The following DIS3L2 variants were observed in gnomAD, a reference collection of about 807,000 sequenced individuals.
DIS3L2 encodes the protein DIS3-like exonuclease 2.
A neutral mutation model predicts 97.5 loss-of-function variants in DIS3L2; 34 were observed. The observed-to-expected ratio is 0.35, with a 90% CI of 0.27 to 0.46. DIS3L2 has a LOEUF of 0.46. DIS3L2 is among the 20% of genes least tolerant of loss of function. The pLI is 1.00. For synonymous variants in DIS3L2, 435 were observed against 445.2 expected (o/e 0.98, Z 0.29); for missense variants, 1,038 against 1,146.0 (o/e 0.91, Z 1.36).
At chr2:232,025,554 T>C (rs1694633345) in intron 4 of DIS3L2, among the ~76,000 whole-genome samples, 1 of 152,192 alleles carries the variant, frequency 6.6e-6, no homozygotes, top group Admixed American at 6.5e-5. Context: ...ATTCTGTTCC[T>C]GTTAGAGAAA....
At position 232,172,559 on chromosome 2, in the gene DIS3L2, A is replaced by AT. The variant is rs369575518; in HGVS notation, c.1124+8929dup. 4.9e-3 allele frequency: 1,992 copies of AT among 403,158 alleles called. 11 individuals are homozygous for AT. The highest frequency in any genetic ancestry group is 8.5e-3 in the Non-Finnish European group (1,620 of 190,778). 25.0% of individuals were successfully genotyped at this position (403,158 alleles called of 1,614,324 possible). ...CATTAGTTGATGGACATTTGGGTTGATTCCCCAGCTTGACTATTATGAATA... is the reference window on the plus strand; with the variant it reads ...CATTAGTTGATGGACATTTGGGTTGATTTCCCCAGCTTGACTATTATGAATA... On this transcript the variant is annotated intron_variant, in intron 9 of 20. Coordinates refer to ENST00000325385, the MANE Select transcript of DIS3L2 (RefSeq NM_152383.5).
At chr2:232,076,690 A>T (rs1696196672) in intron 5 of DIS3L2, among the ~76,000 whole-genome samples, 1 of 152,082 alleles carries the variant, frequency 6.6e-6, no homozygotes, top group African/African-American at 2.4e-5. Context: ...GCCTTTTAAA[A>T]TTTCTTTTAT....
At chr2:232,203,319 A>G (rs1691947107) in intron 9 of DIS3L2, among the ~76,000 whole-genome samples, 1 of 152,142 alleles carries the variant, frequency 6.6e-6, no homozygotes, top group Admixed American at 6.6e-5. Context: ...GCCTCTATAA[A>G]TTTTGCTAAT....
chr2:232,067,512 T>C (rs1347940156), intron 5 of DIS3L2, among the ~76,000 whole-genome samples: 1 of 152,226 alleles, frequency 6.6e-6, no homozygotes. Context: ...CTCTGCAAGA[T>C]ATCAAGCTCT....
At chr2:231,969,147 G>C (rs1040318731) in intron 1 of DIS3L2, among the ~76,000 whole-genome samples, 4 of 151,784 alleles carry the variant, frequency 2.6e-5, no homozygotes, top group African/African-American at 7.3e-5. Flanking sequence ...CCAGTCTTGG[G>C]TATTTCTATC....
At chr2:232,026,906 A>G (rs1559552617) in intron 4 of DIS3L2, among the ~76,000 whole-genome samples, 1 of 152,174 alleles carries the variant, frequency 6.6e-6, no homozygotes, top group Admixed American at 6.6e-5. Context: ...GCTTATTTCT[A>G]TGCCTCTTTT....
In DIS3L2 at chr2:232,184,554, G is replaced by T. The variant is rs563143184; in HGVS notation, c.1124+20922G>T. ...TAGTCCCACTACTAGGGAGGCTGAG[G>T]TGAGATAATCACTTGAGCCCAGGAG... On this transcript the variant is annotated intron_variant, in intron 9 of 20. Coordinates refer to ENST00000325385, the MANE Select transcript of DIS3L2 (RefSeq NM_152383.5). 2.0e-5 allele frequency among the ~76,000 whole-genome samples: 3 copies of T among 152,254 alleles called. No homozygotes were observed. In the East Asian group the frequency reaches 5.8e-4, roughly 29 times the overall value.
intron 8 of DIS3L2, among the ~76,000 whole-genome samples, chr2:232,155,733 G>T (rs1158892168): frequency 6.6e-6 from 1 of 152,184 alleles, no homozygotes; most frequent in East Asian, 1.9e-4. Flanking sequence ...GCTCACGCCT[G>T]TAATCCCAGC....
chr2:232,182,600 T>TTAGA (rs142659767), intron 9 of DIS3L2, among the ~76,000 whole-genome samples: 310 of 152,360 alleles, frequency 2.0e-3, no homozygotes, highest in Non-Finnish European at 3.5e-3. Flanking sequence ...GGCTTTGTTG[T>TTAGA]TAGATGCATG....
At chr2:232,155,890 C>T (rs967948912) in intron 8 of DIS3L2, among the ~76,000 whole-genome samples, 12 of 151,662 alleles carry the variant, frequency 7.9e-5, no homozygotes, top group South Asian at 4.2e-4. Context: ...CTCGGGAGGC[C>T]GAGGCAGGAG....
At chr2:232,207,856 A>C (rs910254623) in intron 9 of DIS3L2, among the ~76,000 whole-genome samples, 1 of 152,180 alleles carries the variant, frequency 6.6e-6, no homozygotes, top group Non-Finnish European at 1.5e-5. Flanking sequence ...ACAATAATAC[A>C]TATCTGATCA....
intron 14 of DIS3L2, 28 bp from the exon 15 acceptor site, chr2:232,329,785 T>TGCCCGGGGGGGGGGGGCC: frequency 1.0e-6 from 1 of 967,144 alleles, no homozygotes; most frequent in Non-Finnish European, 1.5e-6. Context: ...ACCCCAGCGG[T>TGCCCGGGGGGGGGGGGCC]CCCTCCCATC....
rs1125045 is a variant in DIS3L2 at position 232,343,267 on chromosome 2, C to G, written c.1582-78C>G. On this transcript the variant is annotated intron_variant, in intron 13 of 13. Transcript: ENST00000273009. ...GGAGCTGACGCAGGCTGAGTAGGCTCACCTTTCACTGGAATTGCAAAGGCC... is the reference window on the plus strand; with the variant it reads ...GGAGCTGACGCAGGCTGAGTAGGCTGACCTTTCACTGGAATTGCAAAGGCC... 0.076 allele frequency: 96,120 copies of G among 1,259,900 alleles called. 5,839 individuals are homozygous for G. Among genetic ancestry groups the G allele is most frequent in the African/African-American group, 0.3 (20,144 of 66,218 alleles). The allele number at this position is 1,259,900 out of a possible 1,614,324, so 78.0% of individuals were successfully genotyped here. A position where few individuals can be genotyped will look rare whatever the true frequency, so the allele number is the denominator to read the frequency against.
chr2:231,993,054 C>T (rs1438191953), intron 1 of DIS3L2, among the ~76,000 whole-genome samples: 1 of 152,134 alleles, frequency 6.6e-6, no homozygotes, highest in East Asian at 1.9e-4. Flanking sequence ...TTGCTGTCAG[C>T]CCAGATGTTC....
chr2:231,995,433 C>T (rs1010314037), intron 1 of DIS3L2, among the ~76,000 whole-genome samples: 2 of 152,148 alleles, frequency 1.3e-5, no homozygotes, highest in Non-Finnish European at 2.9e-5. Context: ...TCAAAACAGA[C>T]ACCTGTGATT....
intron 11 of DIS3L2, among the ~76,000 whole-genome samples, chr2:232,243,868 T>C (rs386465984): frequency 9.2e-5 from 14 of 152,320 alleles, no homozygotes; most frequent in Middle Eastern, 6.8e-3. Flanking sequence ...CCACTGAACA[T>C]TGAGGGTGCA....
chr2:232,093,573 C>T (rs1243882736), intron 6 of DIS3L2, among the ~76,000 whole-genome samples: 4 of 152,030 alleles, frequency 2.6e-5, no homozygotes, highest in South Asian at 4.1e-4. Context: ...TTATTTGTTA[C>T]TGGTCTGTTC....
chr2:232,338,935 T>C (rs547434750), downstream of DIS3L2, among the ~76,000 whole-genome samples: 3 of 152,372 alleles, frequency 2.0e-5, no homozygotes, highest in Admixed American at 2.0e-4. Flanking sequence ...TGTCTTTTCC[T>C]CAAGGAGACA....
intron 8 of DIS3L2, among the ~76,000 whole-genome samples, chr2:232,147,677 A>T (rs938038702): frequency 6.6e-6 from 1 of 152,218 alleles, no homozygotes; most frequent in African/African-American, 2.4e-5. Flanking sequence ...GAAGACAGAA[A>T]CTACTTAGAA....
Sources: gnomAD v4.1 joint callset for allele counts (sites outside exome capture counted in the v4.1 genomes callset) on GRCh38, gnomAD v4.1.1 for gene constraint, MANE v1.5 for transcripts, NCBI Gene and HGNC (gene_info 2026-07-23, HGNC 2026-07-21) for gene names.